Variants in DEK observed in about 807,000 individuals in gnomAD.
The protein encoded by DEK is DEK proto-oncogene.
In DEK, 28 loss-of-function variants were observed where a neutral mutation model predicts 46.8. That is an observed-to-expected ratio of 0.60 (90% CI 0.44 to 0.82). The LOEUF (loss-of-function observed/expected upper bound fraction) is 0.82. Among genes scored for constraint, DEK ranks in the 40% least tolerant of loss-of-function variants. DEK has a pLI of 0.00. For missense variants in DEK, 416 were observed against 430.6 expected (o/e 0.97, Z 0.30); for synonymous variants, 160 against 144.5 (o/e 1.11, Z -0.77).
intron 9 of DEK, among the ~76,000 whole-genome samples, chr6:18,227,272 A>G (rs1224429561): frequency 1.3e-5 from 2 of 152,048 alleles, no homozygotes; most frequent in African/African-American, 4.8e-5. Context: ...ATGTCTCGGT[A>G]TAAAACCCGA....
At chr6:18,251,812 T>C (rs772331991) in intron 6 of DEK, among the ~76,000 whole-genome samples, 2 of 151,926 alleles carry the variant, frequency 1.3e-5, no homozygotes, top group Non-Finnish European at 2.9e-5. Context: ...CAGACACAGG[T>C]AGCAAGGATG....
intron 9 of DEK, among the ~76,000 whole-genome samples, chr6:18,230,847 G>A (rs1287550431): frequency 6.6e-6 from 1 of 152,174 alleles, no homozygotes; most frequent in African/African-American, 2.4e-5. Flanking sequence ...GGATACCCAG[G>A]AATTGAACTC....
At chr6:18,226,492 A>G (rs931556874) in intron 9 of DEK, among the ~76,000 whole-genome samples, 10 of 152,230 alleles carry the variant, frequency 6.6e-5, no homozygotes. Flanking sequence ...AACTAACCAT[A>G]AACAAGCCAG....
At chr6:18,259,415 A>C (rs1193933416) in intron 2 of DEK, among the ~76,000 whole-genome samples, 1 of 117,678 alleles carries the variant, frequency 8.5e-6, no homozygotes, top group African/African-American at 3.7e-5. Context: ...AAAAAAAAAA[A>C]AAAAAAAAAA....
Position 18,249,659 on chromosome 6 carries a change from C to T in DEK, c.754G>A (p.Glu252Lys). The change falls in exon 7 of 11, where the codon GAA (glutamate) becomes AAA (lysine). Residue 252 changes from glutamate to lysine, a missense_variant. Coordinates refer to ENST00000652689, the MANE Select transcript of DEK (RefSeq NM_003472.4). ...ESSDDEDKES[E>K]EEPPKKTAKR... is the part of the protein sequence containing the mutation. ...ATAGTAAAATATTTTACCTCCTCTT[C>T]ACTTTCTTTATCTTCATCATCTGAA... 1 of 1,578,222 alleles carries T rather than the reference C, an allele frequency of 6.3e-7. No homozygotes were observed. Among genetic ancestry groups the T allele is most frequent in the Non-Finnish European group, 8.6e-7 (1 of 1,168,194 alleles).
intron 4 of DEK, among the ~76,000 whole-genome samples, chr6:18,257,734 AG>A (rs1791662792): frequency 6.8e-6 from 1 of 147,176 alleles, no homozygotes; most frequent in African/African-American, 2.7e-5. Context: ...GAAAAAAAAA[AG>A]AAAAAGAAAA....
At chr6:18,259,732 G>A (rs945661038) in intron 2 of DEK, among the ~76,000 whole-genome samples, 2 of 152,134 alleles carry the variant, frequency 1.3e-5, no homozygotes, top group African/African-American at 4.8e-5. Flanking sequence ...AAATTGCTGT[G>A]CACTGAGGAG....
chr6:18,258,614 A>G (rs1182033980), intron 2 of DEK, among the ~76,000 whole-genome samples: 1 of 152,178 alleles, frequency 6.6e-6, no homozygotes, highest in Non-Finnish European at 1.5e-5. Context: ...CATTTTACTC[A>G]CCTGGCACTC....
intron 9 of DEK, among the ~76,000 whole-genome samples, chr6:18,229,721 G>A (rs957043894): frequency 6.6e-6 from 1 of 152,176 alleles, no homozygotes. Flanking sequence ...AGAAACACGG[G>A]ACTATGTGAA....
intron 6 of DEK, among the ~76,000 whole-genome samples, chr6:18,255,296 G>A (rs1182952475): frequency 5.3e-5 from 8 of 152,174 alleles, no homozygotes; most frequent in Admixed American, 3.3e-4. Context: ...GCTTTTAAAT[G>A]TCACTTTTTA....
At chr6:18,232,758 A>G (rs547011762) in intron 9 of DEK, among the ~76,000 whole-genome samples, 13 of 152,352 alleles carry the variant, frequency 8.5e-5, no homozygotes, top group Admixed American at 5.9e-4. Context: ...GATTGGAAGA[A>G]TCAATATCTT....
At position 18,225,690 on chromosome 6, in the gene DEK, G is replaced by A. The variant is rs2151074633; in HGVS notation, c.*29C>T. ...TATAAATCAGATCTTCAAATCTATG[G>A]GAACGAGTCATCTTCTCTGTCCTCT... On this transcript the variant is annotated 3_prime_UTR_variant, in exon 11 of 11. Coordinates refer to ENST00000652689, the MANE Select transcript of DEK (RefSeq NM_003472.4). 6.2e-7 allele frequency: 1 copy of A among 1,609,494 alleles called. No individual in the cohort carries two copies. Among genetic ancestry groups the A allele is most frequent in the Non-Finnish European group, 8.5e-7 (1 of 1,177,194 alleles).
intron 9 of DEK, among the ~76,000 whole-genome samples, chr6:18,235,870 A>G (rs537363582): frequency 2.0e-5 from 3 of 152,304 alleles, no homozygotes; most frequent in African/African-American, 7.2e-5. Flanking sequence ...ATAATAATCA[A>G]TGTCCTTTAA....
intron 7 of DEK, among the ~76,000 whole-genome samples, chr6:18,237,727 CAA>C (rs1316975508): frequency 2.0e-5 from 3 of 152,254 alleles, no homozygotes; most frequent in Admixed American, 6.5e-5. Flanking sequence ...CACACACACA[CAA>C]GAGTTGCCCA....
intron 2 of DEK, among the ~76,000 whole-genome samples, chr6:18,262,240 A>T (rs214516): frequency 0.33 from 49,892 of 151,478 alleles, 10,044 homozygotes; most frequent in African/African-American, 0.56. Context: ...ACGAATCAAT[A>T]AAACCTATTT....
chr6:18,254,083 C>T (rs976049454), intron 6 of DEK, among the ~76,000 whole-genome samples: 4 of 152,172 alleles, frequency 2.6e-5, no homozygotes, highest in Admixed American at 2.6e-4. Flanking sequence ...GTAATCCCAG[C>T]ACTCTGGGAG....
chr6:18,250,937 AATG>A (rs1259892724), intron 6 of DEK, among the ~76,000 whole-genome samples: 2 of 152,228 alleles, frequency 1.3e-5, no homozygotes, highest in Admixed American at 6.5e-5. Context: ...GTATACAATA[AATG>A]ATAAGTATGT....
chr6:18,230,464 G>A (rs1257214394), intron 9 of DEK, among the ~76,000 whole-genome samples: 2 of 152,154 alleles, frequency 1.3e-5, no homozygotes, highest in Admixed American at 6.6e-5. Context: ...ACCCATCAGT[G>A]TGCTGTATTC....
rs3798299 is a variant in DEK at position 18,251,124 on chromosome 6, T to C, written c.574-1285A>G. On this transcript the variant is annotated intron_variant, in intron 6 of 10. Transcript: ENST00000652689. Reference sequence around the variant, plus strand: ...ATTCTAAAATTGAAAACCATAAAATTACCTAACATCAAGAATGTTAAAATG... The same window carrying C: ...ATTCTAAAATTGAAAACCATAAAATCACCTAACATCAAGAATGTTAAAATG... Among the ~76,000 whole-genome samples, 4 of 152,328 alleles carry C rather than the reference T, an allele frequency of 2.6e-5. No homozygotes were observed. In the East Asian group the frequency reaches 7.7e-4, roughly 29 times the overall value.
Sources: gnomAD v4.1 joint callset for allele counts (sites outside exome capture counted in the v4.1 genomes callset) on GRCh38, gnomAD v4.1.1 for gene constraint, MANE v1.5 for transcripts, NCBI Gene and HGNC (gene_info 2026-07-23, HGNC 2026-07-21) for gene names.